The following FRMD4A variants were observed in gnomAD, a reference collection of about 807,000 sequenced individuals.
FRMD4A encodes FERM domain containing 4A, also known as FERM domain-containing protein 4A.
A neutral mutation model predicts 129.1 loss-of-function variants in FRMD4A; 29 were observed. The ratio of observed to expected loss-of-function variants is 0.22; its 90% CI spans 0.17 to 0.31. The LOEUF is 0.31. FRMD4A is among the 10% of genes least tolerant of loss of function. The pLI, the probability that FRMD4A is intolerant of heterozygous loss-of-function variation, is 1.00. For missense variants in FRMD4A, 1,272 were observed against 1,375.8 expected (o/e 0.92, Z 1.19); for synonymous variants, 634 against 571.6 (o/e 1.11, Z -1.56).
intron 3 of FRMD4A, among the ~76,000 whole-genome samples, chr10:13,834,642 T>C (rs556007754): frequency 1.2e-3 from 179 of 152,294 alleles, no homozygotes; most frequent in African/African-American, 4.2e-3. Flanking sequence ...AATTGATGCG[T>C]CTGAAATTTC....
At position 13,674,828 on chromosome 10, in the gene FRMD4A, T is replaced by C. The variant is rs1164687393; in HGVS notation, c.1251+83A>G. ...ATCAAATGACATCAGTCAAATGACA[T>C]CAAAAAGATCAAATGACATCAGAAA... On this transcript the variant is annotated intron_variant, in intron 16 of 24. Coordinates refer to ENST00000357447, the MANE Select transcript of FRMD4A (RefSeq NM_018027.5). 3.5e-6 allele frequency: 5 copies of C among 1,414,472 alleles called. No individual in the cohort carries two copies. In the South Asian group the frequency reaches 4.7e-5, roughly 13 times the overall value. The allele number at this position is 1,414,472 out of a possible 1,614,324, so 87.6% of individuals were successfully genotyped here. A position where few individuals can be genotyped will look rare whatever the true frequency, so the allele number is the denominator to read the frequency against.
At chr10:13,754,418 T>C (rs1350432637) in intron 8 of FRMD4A, among the ~76,000 whole-genome samples, 1 of 152,194 alleles carries the variant, frequency 6.6e-6, no homozygotes, top group African/African-American at 2.4e-5. Flanking sequence ...ATTTATAACT[T>C]TTCCACTTGA....
chr10:13,955,490 T>C (rs1441223022), intron 2 of FRMD4A, among the ~76,000 whole-genome samples: 1 of 152,244 alleles, frequency 6.6e-6, no homozygotes, highest in Non-Finnish European at 1.5e-5. Context: ...GGTGGCTACA[T>C]GGACTACCAA....
chr10:13,661,460 G>C (rs897752224), intron 19 of FRMD4A, among the ~76,000 whole-genome samples: 14 of 152,200 alleles, frequency 9.2e-5, no homozygotes, highest in Non-Finnish European at 1.3e-4. Context: ...GAGGGGCAGG[G>C]GGAGTAAGGG....
intron 16 of FRMD4A, among the ~76,000 whole-genome samples, chr10:13,672,625 A>G (rs986006984): frequency 1.3e-5 from 2 of 152,140 alleles, no homozygotes; most frequent in African/African-American, 4.8e-5. Context: ...TTCATGTGTA[A>G]CTGGAGCTGC....
At chr10:13,875,312 C>G (rs2094477512) in intron 2 of FRMD4A, among the ~76,000 whole-genome samples, 1 of 152,260 alleles carries the variant, frequency 6.6e-6, no homozygotes, top group South Asian at 2.1e-4. Context: ...TGAGGGGAGT[C>G]TGGAGACAGG....
At chr10:14,221,172 GC>G (rs1291306256) in intron 2 of FRMD4A, among the ~76,000 whole-genome samples, 7 of 152,186 alleles carry the variant, frequency 4.6e-5, no homozygotes, top group African/African-American at 1.7e-4. Context: ...CAAAGCAGAA[GC>G]AAGATGATCT....
chr10:14,060,811 G>C (rs1489304042), intron 2 of FRMD4A, among the ~76,000 whole-genome samples: 2 of 152,138 alleles, frequency 1.3e-5, no homozygotes, highest in Non-Finnish European at 2.9e-5. Flanking sequence ...AAATACAGAT[G>C]AATCTTTTCT....
intron 5 of FRMD4A, among the ~76,000 whole-genome samples, chr10:13,785,420 G>A (rs942069087): frequency 1.3e-5 from 2 of 152,054 alleles, no homozygotes; most frequent in Non-Finnish European, 1.5e-5. Context: ...CCTGCTTCTG[G>A]AGCAGGTGTC....
At chr10:14,060,933 T>C (rs939530583) in intron 2 of FRMD4A, among the ~76,000 whole-genome samples, 3 of 152,058 alleles carry the variant, frequency 2.0e-5, no homozygotes, top group African/African-American at 4.8e-5. Context: ...ATAGACTGAC[T>C]CACTAGTGGA....
At chr10:13,955,351 C>T (rs759363446) in intron 2 of FRMD4A, among the ~76,000 whole-genome samples, 3 of 152,066 alleles carry the variant, frequency 2.0e-5, no homozygotes, top group African/African-American at 7.2e-5. Flanking sequence ...AAAGTGTTCT[C>T]CCTGCCTCAG....
intron 15 of FRMD4A, among the ~76,000 whole-genome samples, chr10:13,680,645 G>A (rs1453830363): frequency 6.6e-6 from 1 of 152,210 alleles, no homozygotes; most frequent in South Asian, 2.1e-4. Flanking sequence ...AGAATCGCTT[G>A]AACCTCGGAG....
intron 3 of FRMD4A, among the ~76,000 whole-genome samples, chr10:13,853,008 A>G (rs2094160877): frequency 1.3e-5 from 2 of 152,166 alleles, no homozygotes; most frequent in South Asian, 4.1e-4. Context: ...TCTTGGAATC[A>G]TAGGGACGCT....
At chr10:13,781,458 A>C (rs1588688650) in intron 6 of FRMD4A, among the ~76,000 whole-genome samples, 1 of 133,184 alleles carries the variant, frequency 7.5e-6, no homozygotes, top group African/African-American at 2.8e-5. Context: ...GCTCACTGTA[A>C]CCTCCACCTC....
intron 2 of FRMD4A, among the ~76,000 whole-genome samples, chr10:14,122,763 T>G (rs555931208): frequency 1.3e-5 from 2 of 152,220 alleles, no homozygotes; most frequent in South Asian, 4.2e-4. Context: ...CATTGGGGAT[T>G]GCAACTGAAC....
At chr10:14,008,295 A>G (rs1452435598) in intron 2 of FRMD4A, 1 of 1,037,604 alleles carries the variant, frequency 9.6e-7, no homozygotes, top group Admixed American at 4.4e-5. Context: ...TAACTGAAAG[A>G]GTTTTTCTTT....
At position 13,670,600 on chromosome 10, in the gene FRMD4A, C is replaced by T. The variant is rs2083434112; in HGVS notation, c.1252-72G>A. On this transcript the variant is annotated intron_variant, in intron 16 of 24. Coordinates refer to ENST00000357447, the MANE Select transcript of FRMD4A (RefSeq NM_018027.5). ...GCGTGTCTGCTTCCTAGAACACACACACACGCACATACACGCACACAAAAA... is the reference window on the plus strand; with the variant it reads ...GCGTGTCTGCTTCCTAGAACACACATACACGCACATACACGCACACAAAAA... 4 of 1,525,744 alleles carry T rather than the reference C, an allele frequency of 2.6e-6. No individual in the cohort carries two copies. In the South Asian group the frequency reaches 4.6e-5, roughly 17 times the overall value. The allele number at this position is 1,525,744 out of a possible 1,614,324, so 94.5% of individuals were successfully genotyped here.
chr10:13,893,124 C>T (rs552918443), intron 2 of FRMD4A, among the ~76,000 whole-genome samples: 4 of 152,250 alleles, frequency 2.6e-5, no homozygotes, highest in African/African-American at 4.8e-5. Context: ...GTAACCTCCC[C>T]GTCCTGGGCT....
rs1835440680 is a variant in FRMD4A at position 14,074,007 on chromosome 10, A to T, written c.46-215095T>A. On this transcript the variant is annotated intron_variant, in intron 2 of 24. Transcript: ENST00000357447. ...GTGCCTGTAATCCCAGCTACTCGGG[A>T]GGCTGAGGCAGGAGAATTGCTTGAA... is the stretch of plus-strand genomic sequence containing the variant. Among the ~76,000 whole-genome samples, 3 of 152,180 alleles carry T rather than the reference A, an allele frequency of 2.0e-5. No homozygotes were observed. The South Asian group carries it at 6.2e-4, about 32-fold the overall frequency.
Sources: gnomAD v4.1 joint callset for allele counts (sites outside exome capture counted in the v4.1 genomes callset) on GRCh38, gnomAD v4.1.1 for gene constraint, MANE v1.5 for transcripts, NCBI Gene and HGNC (gene_info 2026-07-23, HGNC 2026-07-21) for gene names.